The following WIF1 variants were observed in gnomAD, a reference collection of about 807,000 sequenced individuals.
WIF1 encodes Wnt inhibitory factor 1.
A neutral mutation model predicts 53.5 loss-of-function variants in WIF1; 35 were observed. The ratio of observed to expected loss-of-function variants is 0.65; its 90% CI spans 0.50 to 0.87. The LOEUF (loss-of-function observed/expected upper bound fraction) is 0.87, where lower values mean the gene tolerates loss of function less well. Among genes scored for constraint, WIF1 ranks in the 40% least tolerant of loss-of-function variants. WIF1 has a pLI of 0.00. For synonymous variants in WIF1, 171 were observed against 170.4 expected (o/e 1.00, Z -0.03); for missense variants, 467 against 476.8 (o/e 0.98, Z 0.19).
intron 2 of WIF1, among the ~76,000 whole-genome samples, chr12:65,089,827 T>A (rs7297646): frequency 0.096 from 14,646 of 152,160 alleles, 795 homozygotes; most frequent in East Asian, 0.18. Flanking sequence ...TATACTATTG[T>A]ACTTACGGTA....
At chr12:65,055,325 C>T in intron 8 of WIF1, 112 bp from the exon 9 acceptor site, 1 of 1,227,420 alleles carries the variant, frequency 8.1e-7, no homozygotes, top group Non-Finnish European at 1.1e-6. Flanking sequence ...GCTTCATCCT[C>T]TAATTTTTTT....
intron 3 of WIF1, among the ~76,000 whole-genome samples, chr12:65,074,789 G>T (rs1395853530): frequency 8.3e-6 from 1 of 120,746 alleles, no homozygotes; most frequent in Non-Finnish European, 1.6e-5. Flanking sequence ...CTGCACTCAA[G>T]CCTGGGTAAC....
At chr12:65,106,216 G>C (rs112200611) in intron 2 of WIF1, among the ~76,000 whole-genome samples, 2 of 152,086 alleles carry the variant, frequency 1.3e-5, no homozygotes, top group East Asian at 3.9e-4. Flanking sequence ...GCACTTCAGA[G>C]TATAAATGCA....
At chr12:65,079,280 C>T (rs2136622621) in intron 2 of WIF1, among the ~76,000 whole-genome samples, 1 of 150,544 alleles carries the variant, frequency 6.6e-6, no homozygotes, top group African/African-American at 2.4e-5. Flanking sequence ...ATAAAATGAA[C>T]TCCTTGAGAA....
chr12:65,121,101 G>A lies in WIF1; in HGVS notation c.91C>T (p.Pro31Ser). The change falls in exon 1 of 10, where the codon CCG becomes TCG. Residue 31 changes from proline (P) to serine (S), a missense_variant. Pro to Ser is a moderately conservative substitution (Grantham distance 74). Transcript: ENST00000286574. Reference sequence around the variant, plus strand: ...CATAGGTACAGGCTCTCCTCCTGCGGCGGCCCGGCCTCCGCCCGCAGTGCC... The same window carrying A: ...CATAGGTACAGGCTCTCCTCCTGCGACGGCCCGGCCTCCGCCCGCAGTGCC... ...LLALRAEAGP[P>S]QEESLYLWID... 1 of 1,545,724 alleles carries A rather than the reference G, an allele frequency of 6.5e-7. No homozygotes were observed. Among genetic ancestry groups the A allele is most frequent in the Non-Finnish European group, 8.7e-7 (1 of 1,144,194 alleles).
chr12:65,119,282 C>T lies in WIF1; in HGVS notation c.288+1135G>A, dbSNP rs78087188. Reference sequence around the variant, plus strand: ...CCTATCTGCAAAATGGGGGTATTAACAATAGATGACTTTCCTGTTATAAAC... The same window carrying T: ...CCTATCTGCAAAATGGGGGTATTAATAATAGATGACTTTCCTGTTATAAAC... On this transcript the variant is annotated intron_variant, in intron 2 of 9. Transcript: ENST00000286574. Among the ~76,000 whole-genome samples the T allele has an allele frequency of 1.3e-4, 20 of 152,250 alleles. No individual in the cohort carries two copies. The East Asian group carries it at 3.5e-3, about 26-fold the overall frequency.
chr12:65,086,154 A>T (rs540131124), intron 2 of WIF1, among the ~76,000 whole-genome samples: 1 of 152,064 alleles, frequency 6.6e-6, no homozygotes, highest in East Asian at 1.9e-4. Context: ...AAAATTGAAA[A>T]AAAAAAGGTA....
chr12:65,084,457 A>T (rs887939335), intron 2 of WIF1, among the ~76,000 whole-genome samples: 2 of 152,214 alleles, frequency 1.3e-5, no homozygotes, highest in Non-Finnish European at 2.9e-5. Context: ...GTGATACCAT[A>T]GCCATGCCTA....
chr12:65,067,493 G>A (rs1034735662), intron 5 of WIF1, among the ~76,000 whole-genome samples: 19 of 152,196 alleles, frequency 1.2e-4, no homozygotes, highest in Non-Finnish European at 7.4e-5. Flanking sequence ...CCAAAGTACA[G>A]TGGCTATATT....
rs116356647 is a variant in WIF1, at chr12:65,066,995, A to G, written c.635-259T>C. Among the ~76,000 whole-genome samples, 1,103 of 152,054 alleles carry G rather than the reference A, an allele frequency of 7.3e-3. 19 individuals are homozygous for G. The highest frequency in any genetic ancestry group is 0.025 in the African/African-American group (1,048 of 41,360). ...GAATACTTGAATAAATTTTCCCCAGAATCATTTTGACTAAGATGTGGTCTT... is the reference window on the plus strand; with the variant it reads ...GAATACTTGAATAAATTTTCCCCAGGATCATTTTGACTAAGATGTGGTCTT... On this transcript the variant is annotated intron_variant, in intron 5 of 9. Transcript: ENST00000286574.
chr12:65,113,126 C>A (rs1592405715), intron 2 of WIF1, among the ~76,000 whole-genome samples: 1 of 152,214 alleles, frequency 6.6e-6, no homozygotes, highest in South Asian at 2.1e-4. Flanking sequence ...GGGAGAACAA[C>A]TTGCCATCCA....
At chr12:65,084,201 A>G (rs570434441) in intron 2 of WIF1, among the ~76,000 whole-genome samples, 1 of 152,276 alleles carries the variant, frequency 6.6e-6, no homozygotes, top group South Asian at 2.1e-4. Context: ...TGAATCCAGC[A>G]TTTATTTCCT....
intron 6 of WIF1, among the ~76,000 whole-genome samples, chr12:65,066,003 T>C (rs185414637): frequency 6.6e-6 from 1 of 152,258 alleles, no homozygotes; most frequent in Non-Finnish European, 1.5e-5. Context: ...GGTTAGGCAA[T>C]GTAGAGCAGG....
At chr12:65,095,427 A>G (rs1305729866) in intron 2 of WIF1, among the ~76,000 whole-genome samples, 1 of 152,192 alleles carries the variant, frequency 6.6e-6, no homozygotes, top group East Asian at 1.9e-4. Context: ...TACTCACAAT[A>G]CATTCATTGT....
chr12:65,083,934 G>A (rs928695910), intron 2 of WIF1: 6 of 283,670 alleles, frequency 2.1e-5, no homozygotes, highest in African/African-American at 4.6e-5. Context: ...AACCTCCTGG[G>A]CTCAAGCCAT....
intron 2 of WIF1, among the ~76,000 whole-genome samples, chr12:65,101,472 G>A (rs1231747592): frequency 6.6e-6 from 1 of 152,076 alleles, no homozygotes; most frequent in Non-Finnish European, 1.5e-5. Context: ...CTGAAATCAA[G>A]CCAATAGAGA....
intron 9 of WIF1, among the ~76,000 whole-genome samples, chr12:65,052,358 T>C (rs1882453337): frequency 6.6e-6 from 1 of 152,160 alleles, no homozygotes; most frequent in Admixed American, 6.5e-5. Context: ...GCTTGTGGAG[T>C]GGTCAAAACC....
In WIF1 at chr12:65,068,680, T is replaced by TGTGTGG. The variant is rs1882725711; in HGVS notation, c.538+83_538+84insCCACAC. Reference sequence around the variant, plus strand: ...GTGTGTGTGTGTGTGTGTGTGTGTGTGTGTGTATAGATATAAATATTTGGT... The same window carrying TGTGTGG: ...GTGTGTGTGTGTGTGTGTGTGTGTGTGTGTGGGTGTGTATAGATATAAATATTTGGT... On this transcript the variant is annotated intron_variant, in intron 4 of 9. Transcript: ENST00000286574. The TGTGTGG allele has an allele frequency of 1.1e-5, 12 of 1,111,210 alleles. No homozygotes were observed. In the South Asian group the frequency reaches 1.8e-4, roughly 17 times the overall value. 68.8% of individuals were successfully genotyped at this position (1,111,210 alleles called of 1,614,324 possible). A position where few individuals can be genotyped will look rare whatever the true frequency, so the allele number is the denominator to read the frequency against.
At chr12:65,061,893 T>A (rs966301045) in intron 7 of WIF1, among the ~76,000 whole-genome samples, 8 of 152,242 alleles carry the variant, frequency 5.3e-5, no homozygotes, top group African/African-American at 1.9e-4. Flanking sequence ...TTCAAAAAGA[T>A]GGGATCATGC....
Sources: gnomAD v4.1 joint callset for allele counts (sites outside exome capture counted in the v4.1 genomes callset) on GRCh38, gnomAD v4.1.1 for gene constraint, MANE v1.5 for transcripts, NCBI Gene and HGNC (gene_info 2026-07-23, HGNC 2026-07-21) for gene names.